AKR1C8: variants seen among roughly 807,000 people sequenced by gnomAD.
AKR1C8 encodes the protein aldo-keto reductase family 1 member C-like protein 1.
the AKR1C8 span, chr10:5,154,964 T>A: frequency 6.6e-6 from 1 of 152,176 alleles, no homozygotes; most frequent in East Asian, 1.9e-4. Context: ...CTCCAAAGGA[T>A]CTTATCTTGG....
the AKR1C8 span, among the ~76,000 whole-genome samples, chr10:5,162,568 C>T: frequency 3.5e-4 from 53 of 152,290 alleles, 1 homozygote; most frequent in South Asian, 1.7e-3. Flanking sequence ...TACTGAAGAA[C>T]TGAAGGAGTG....
chr10:5,136,742 A>T, the AKR1C8 span, among the ~76,000 whole-genome samples: 1 of 152,322 alleles, frequency 6.6e-6, no homozygotes, highest in South Asian at 2.1e-4. Context: ...ATATGTTCTG[A>T]ATCAGAAACT....
chr10:5,119,543 A>G, the AKR1C8 span, among the ~76,000 whole-genome samples: 3 of 152,174 alleles, frequency 2.0e-5, no homozygotes, highest in East Asian at 3.9e-4. Flanking sequence ...TATCTTTTCT[A>G]TTTTCTAAAT....
the AKR1C8 span, chr10:5,123,906 G>A: frequency 7.4e-7 from 1 of 1,357,728 alleles, no homozygotes; most frequent in Non-Finnish European, 1.0e-6. Flanking sequence ...GTAAAAGGAG[G>A]TGAATAAATA....
the AKR1C8 span, chr10:5,157,737 G>C: frequency 4.2e-6 from 2 of 472,258 alleles, no homozygotes; most frequent in Non-Finnish European, 4.4e-6. Flanking sequence ...GGCTTCCACT[G>C]TGTTTCTTGG....
At chr10:5,175,819 GGGT>G in the AKR1C8 span, among the ~76,000 whole-genome samples, 38 of 137,310 alleles carry the variant, frequency 2.8e-4, no homozygotes, top group Admixed American at 2.5e-3. Context: ...CTTTTTGATG[GGGT>G]TGTTTGTTTT....
the AKR1C8 span, among the ~76,000 whole-genome samples, chr10:5,147,065 GT>G: frequency 6.6e-6 from 1 of 152,172 alleles, no homozygotes; most frequent in East Asian, 1.9e-4. Context: ...TAGGCCTCTG[GT>G]GAGGGCCCCA....
chr10:5,163,024 T>A, the AKR1C8 span: 5 of 532,938 alleles, frequency 9.4e-6, no homozygotes, highest in Non-Finnish European at 1.9e-5. Context: ...TGGGAGTCTA[T>A]AAGACAGGAG....
the AKR1C8 span, among the ~76,000 whole-genome samples, chr10:5,118,187 A>T: frequency 6.6e-6 from 1 of 152,318 alleles, no homozygotes; most frequent in African/African-American, 2.4e-5. Flanking sequence ...CATGTTATCC[A>T]TTGTGGGTAA....
At chr10:5,170,733 A>G in the AKR1C8 span, among the ~76,000 whole-genome samples, 1 of 152,138 alleles carries the variant, frequency 6.6e-6, no homozygotes, top group East Asian at 1.9e-4. Flanking sequence ...GTTAAGTTTG[A>G]TTCCTTAAAG....
the AKR1C8 span, among the ~76,000 whole-genome samples, chr10:5,118,625 G>C: frequency 5.9e-5 from 9 of 152,144 alleles, no homozygotes; most frequent in African/African-American, 2.2e-4. Context: ...AAAGAGGATT[G>C]ACATATAAGA....
At chr10:5,181,085 C>T in the AKR1C8 span, among the ~76,000 whole-genome samples, 8 of 152,328 alleles carry the variant, frequency 5.3e-5, no homozygotes, top group South Asian at 4.1e-4. Context: ...GCGTCACTCA[C>T]GCTGGGAGGT....
chr10:5,119,943 G>A, the AKR1C8 span, among the ~76,000 whole-genome samples: 8 of 152,196 alleles, frequency 5.3e-5, no homozygotes, highest in Non-Finnish European at 1.0e-4. Flanking sequence ...AAGTTGTTGG[G>A]AACAGGCCCC....
chr10:5,177,668 G>C, the AKR1C8 span, among the ~76,000 whole-genome samples: 3 of 152,134 alleles, frequency 2.0e-5, no homozygotes, highest in Non-Finnish European at 4.4e-5. Flanking sequence ...CCTGTTATTG[G>C]TCTATTCAGA....
the AKR1C8 span, among the ~76,000 whole-genome samples, chr10:5,161,219 T>A: frequency 1.3e-5 from 2 of 152,176 alleles, no homozygotes; most frequent in African/African-American, 4.8e-5. Context: ...TCCCTACAGT[T>A]GGAATTCATT....
At chr10:5,181,127 T>G in the AKR1C8 span, among the ~76,000 whole-genome samples, 1 of 152,228 alleles carries the variant, frequency 6.6e-6, no homozygotes, top group South Asian at 2.1e-4. Context: ...TCGGCCTTCT[T>G]GGCTGCCACC....
the AKR1C8 span, among the ~76,000 whole-genome samples, chr10:5,152,859 AT>A: frequency 2.0e-5 from 3 of 152,098 alleles, no homozygotes; most frequent in Non-Finnish European, 4.4e-5. Context: ...TGTGATTTTA[AT>A]GCGGGGAGAT....
the AKR1C8 span, among the ~76,000 whole-genome samples, chr10:5,166,004 G>GA: frequency 6.6e-6 from 1 of 152,080 alleles, no homozygotes; most frequent in East Asian, 1.9e-4. Context: ...GAGGATGAGA[G>GA]AAAAAAGGAA....
At chr10:5,133,863 A>G in the AKR1C8 span, among the ~76,000 whole-genome samples, 1 of 152,166 alleles carries the variant, frequency 6.6e-6, no homozygotes, top group Admixed American at 6.6e-5. Flanking sequence ...TATGACGAGT[A>G]AAGACATACA....
Sources: allele counts gnomAD v4.1 joint callset (sites outside exome capture counted in the v4.1 genomes callset), GRCh38; gene constraint gnomAD v4.1.1; transcripts MANE v1.5; gene names NCBI Gene and HGNC (gene_info 2026-07-23, HGNC 2026-07-21).